Variants in NISCH observed in about 807,000 individuals in gnomAD.
The protein encoded by NISCH is nischarin, also known as I-1 receptor candidate protein.
A neutral mutation model predicts 138.4 loss-of-function variants in NISCH; 55 were observed. That is an observed-to-expected ratio of 0.40 (90% CI 0.32 to 0.50). The LOEUF (loss-of-function observed/expected upper bound fraction) is 0.50, where lower values mean the gene tolerates loss of function less well. NISCH is among the 20% of genes least tolerant of loss of function. The pLI, the probability that NISCH is intolerant of heterozygous loss-of-function variation, is 0.71. For synonymous variants in NISCH, 860 were observed against 861.5 expected (o/e 1.00, Z 0.03); for missense variants, 1,643 against 2,005.5 (o/e 0.82, Z 3.45).
intron 10 of NISCH, 63 bp from the exon 11 acceptor site, chr3:52,478,386 T>C: frequency 1.9e-6 from 3 of 1,609,790 alleles, no homozygotes; most frequent in Non-Finnish European, 2.5e-6. Flanking sequence ...CCATGAAACG[T>C]GTTGGCGTGT....
intron 3 of NISCH, among the ~76,000 whole-genome samples, chr3:52,466,714 A>G (rs535805501): frequency 1.3e-5 from 2 of 152,246 alleles, no homozygotes; most frequent in African/African-American, 4.8e-5. Context: ...GCCAAGCCGA[A>G]GCATCTAGGC....
chr3:52,459,052 A>G (rs1195559428), intron 3 of NISCH, among the ~76,000 whole-genome samples: 1 of 152,232 alleles, frequency 6.6e-6, no homozygotes, highest in Admixed American at 6.5e-5. Context: ...AAATGTGGCC[A>G]CAGAGATGCT....
Position 52,489,202 on chromosome 3 carries a change from A to G in NISCH, c.3114-134A>G, listed in dbSNP as rs2153231819. 3.7e-6 allele frequency: 4 copies of G among 1,068,276 alleles called. No individual in the cohort carries two copies. In the South Asian group the frequency reaches 6.1e-5, roughly 16 times the overall value. The allele number at this position is 1,068,276 out of a possible 1,614,324, so 66.2% of individuals were successfully genotyped here. A position where few individuals can be genotyped will look rare whatever the true frequency, so the allele number is the denominator to read the frequency against. On this transcript the variant is annotated intron_variant, in intron 16 of 20. Transcript: ENST00000345716. ...GCCGTGCTGTTCTGTTCTCCAATAGAGAAGCTGGTGGAAGTCCCCAGTAAC... is the reference window on the plus strand; with the variant it reads ...GCCGTGCTGTTCTGTTCTCCAATAGGGAAGCTGGTGGAAGTCCCCAGTAAC...
intron 14 of NISCH, 83 bp from the exon 15 acceptor site, chr3:52,485,695 G>T: frequency 6.8e-7 from 1 of 1,463,176 alleles, no homozygotes; most frequent in Non-Finnish European, 9.4e-7. Flanking sequence ...AGGGCAGAAT[G>T]CCCAGCTCAG....
In NISCH at chr3:52,455,634, A is replaced by G. The variant is rs748830975; in HGVS notation, c.-8A>G. 59 of 1,329,046 alleles carry G rather than the reference A, an allele frequency of 4.4e-5. No individual in the cohort carries two copies. The highest frequency in any genetic ancestry group is 4.9e-5 in the Non-Finnish European group (51 of 1,032,108). 82.3% of individuals were successfully genotyped at this position (1,329,046 alleles called of 1,614,324 possible). On this transcript the variant is annotated 5_prime_UTR_variant, in exon 1 of 21. Transcript: ENST00000345716. Reference sequence around the variant, plus strand: ...GCGCCGGGCGGCGGTGGCGGCGGAGACCCGAACATGGCGACCGCGCGCACC... The same window carrying G: ...GCGCCGGGCGGCGGTGGCGGCGGAGGCCCGAACATGGCGACCGCGCGCACC...
At chr3:52,473,704 T>C in intron 6 of NISCH, 30 bp from the exon 7 acceptor site, 1 of 1,500,536 alleles carries the variant, frequency 6.7e-7, no homozygotes, top group Non-Finnish European at 9.2e-7. Flanking sequence ...AAGGATTCTG[T>C]TTCTGAGATG....
intron 7 of NISCH, 46 bp from the exon 8 acceptor site, chr3:52,476,401 G>T (rs1559632755): frequency 6.2e-7 from 1 of 1,604,632 alleles, no homozygotes; most frequent in Non-Finnish European, 8.5e-7. Context: ...AGTGAGTGTT[G>T]CGTGAGGGCC....
At chr3:52,480,535 C>A (rs1478634174) in intron 13 of NISCH, 5 of 1,486,428 alleles carry the variant, frequency 3.4e-6, no homozygotes, top group Non-Finnish European at 4.5e-6. Context: ...ACATCCAGCT[C>A]CTCTAGGAGA....
rs534720015 is a variant in NISCH, at chr3:52,486,993, C to T, written c.1704-203C>T. Among the ~76,000 whole-genome samples the T allele has an allele frequency of 2.0e-5, 3 of 152,388 alleles. No homozygotes were observed. The South Asian group carries it at 6.2e-4, about 32-fold the overall frequency. On this transcript the variant is annotated intron_variant, in intron 15 of 20. Coordinates refer to ENST00000345716, the MANE Select transcript of NISCH (RefSeq NM_007184.4). Reference sequence around the variant, plus strand: ...CCTAGAAGCATAGACTCTGACCAAACTGGCGACCCAGCCTTCCAGCAGGCA... The same window carrying T: ...CCTAGAAGCATAGACTCTGACCAAATTGGCGACCCAGCCTTCCAGCAGGCA...
At chr3:52,477,764 C>T (rs907886803) in intron 9 of NISCH, 122 bp downstream of exon 9, 65 of 798,874 alleles carry the variant, frequency 8.1e-5, no homozygotes, top group Non-Finnish European at 1.3e-4. Flanking sequence ...TTGCTGTCTT[C>T]GCTTTAGGAT....
At position 52,471,935 on chromosome 3, in the gene NISCH, C is replaced by T. The variant is rs765823038; in HGVS notation, c.531C>T (p.Leu177=). 15 of 1,610,510 alleles carry T rather than the reference C, an allele frequency of 9.3e-6. No individual in the cohort carries two copies. The highest frequency in any genetic ancestry group is 3.3e-5 in the South Asian group (3 of 90,850). ...CCAGTGGGGATGCCAAGACCGACCTCGGGCACATCCTGGACTTCACCTGTC... is the reference window on the plus strand; with the variant it reads ...CCAGTGGGGATGCCAAGACCGACCTTGGGCACATCCTGGACTTCACCTGTC... ...TCASGDAKTD[L]GHILDFTCRL... Residue 177 remains leucine (L), a synonymous_variant, in exon 5 of 21, where the codon CTC becomes CTT. Coordinates refer to ENST00000345716, the MANE Select transcript of NISCH (RefSeq NM_007184.4).
rs750629258 is a variant in NISCH, at chr3:52,471,909, G to T, written c.505G>T (p.Ala169Ser). The part of the protein sequence containing the change: ...EQLQQGKPTC[A>S]SGDAKTDLGH... ...GCTGCAGCAGGGAAAGCCCACGTGC[G>T]CCAGTGGGGATGCCAAGACCGACCT... Residue 169 changes from alanine (A) to serine (S), a missense_variant, in exon 5 of 21, where the codon GCC (alanine) becomes TCC (serine). Transcript: ENST00000345716. 1.2e-6 allele frequency: 2 copies of T among 1,612,788 alleles called. No individual in the cohort carries two copies. Among genetic ancestry groups the T allele is most frequent in the Non-Finnish European group, 1.7e-6 (2 of 1,179,214 alleles).
In NISCH at chr3:52,476,518, G is replaced by T; in HGVS notation, c.837G>T (p.Val279=). ...AAGGCACAACCCTAGAAGGCCCTGT[G>T]ACTGCCGTCATCCCCACTTGGCAGG... ...EPEGTTLEGP[V]TAVIPTWQAL... is the part of the protein sequence containing the mutation. Residue 279 remains valine, a synonymous_variant, in exon 8 of 21, where the codon GTG becomes GTT. Transcript: ENST00000345716. The T allele has an allele frequency of 6.2e-7, 1 of 1,614,120 alleles. No individual in the cohort carries two copies. Among genetic ancestry groups the T allele is most frequent in the Non-Finnish European group, 8.5e-7 (1 of 1,180,010 alleles).
chr3:52,460,473 G>T (rs142768995), intron 3 of NISCH, among the ~76,000 whole-genome samples: 37 of 150,474 alleles, frequency 2.5e-4, no homozygotes, highest in Non-Finnish European at 4.3e-4. Context: ...CTGATCATGG[G>T]TCACTGCAAC....
chr3:52,482,022 G>T, intron 13 of NISCH: 1 of 650,140 alleles, frequency 1.5e-6, no homozygotes. Flanking sequence ...CCACTTGTTT[G>T]TACAGGCCAC....
chr3:52,476,499 CA>C lies in NISCH; in HGVS notation c.820del (p.Thr274ProfsTer2). 6.2e-7 allele frequency: 1 copy of C among 1,614,094 alleles called. No individual in the cohort carries two copies. The highest frequency in any genetic ancestry group is 8.5e-7 in the Non-Finnish European group (1 of 1,180,006). ...TTTGATGAGTGGGAGCCTGAAGGCA[CA>C]ACCCTAGAAGGCCCTGTGACTGCCG... ...SEFDEWEPEGTTLEGPVTAVI... is the reference protein window; with the variant it reads ...SEFDEWEPEGXTLEGPVTAVI... On this transcript the variant is annotated frameshift_variant, in exon 8 of 21. Coordinates refer to ENST00000345716, the MANE Select transcript of NISCH (RefSeq NM_007184.4). LOFTEE classifies it high-confidence loss of function.
intron 14 of NISCH, among the ~76,000 whole-genome samples, 157 bp from the exon 15 acceptor site, chr3:52,485,601 TGGGTCCCAGAGTGGGCCCCA>T (rs368180376): frequency 3.3e-4 from 50 of 152,274 alleles, no homozygotes; most frequent in African/African-American, 6.7e-4. Context: ...TCTCTGCCCT[TGGGTCCCAGAGTGGGCCCCA>T]GGGTCCCAGA....
chr3:52,483,210 G>A (rs1466599963), intron 13 of NISCH, among the ~76,000 whole-genome samples: 1 of 152,166 alleles, frequency 6.6e-6, no homozygotes, highest in Non-Finnish European at 1.5e-5. Flanking sequence ...TTGAGCTTGG[G>A]CCCACCTGCC....
chr3:52,492,826 TTGTTGCTGTTGCTGTTGCTGTTGC>T lies in NISCH; in HGVS notation c.*362_*385del, dbSNP rs60665579. 3.8e-5 allele frequency: 8 copies of T among 208,866 alleles called. No individual in the cohort carries two copies. In the Admixed American group the frequency reaches 4.3e-4, roughly 11 times the overall value. The allele number at this position is 208,866 out of a possible 1,614,324, so 12.9% of individuals were successfully genotyped here. A position where few individuals can be genotyped will look rare whatever the true frequency, so the allele number is the denominator to read the frequency against. On this transcript the variant is annotated 3_prime_UTR_variant, in exon 21 of 21. Coordinates refer to ENST00000345716, the MANE Select transcript of NISCH (RefSeq NM_007184.4). ...TTCCTGAAGTGTCGAGTCCAGTCCT[TTGTTGCTGTTGCTGTTGCTGTTGC>T]TGTTGCTGTTGCTGTTGGCATCTTG...
Sources: allele counts gnomAD v4.1 joint callset (sites outside exome capture counted in the v4.1 genomes callset), GRCh38; gene constraint gnomAD v4.1.1; transcripts MANE v1.5; gene names NCBI Gene and HGNC (gene_info 2026-07-23, HGNC 2026-07-21).